PARP8: variants seen among roughly 807,000 people sequenced by gnomAD.
PARP8 encodes poly(ADP-ribose) polymerase family member 8.
Under a neutral mutation model 124.1 loss-of-function variants are expected in PARP8, and 51 were observed. That is an observed-to-expected ratio of 0.41 (90% CI 0.33 to 0.52). PARP8 has a LOEUF of 0.52. PARP8 is among the 20% of genes least tolerant of loss of function. The probability of loss-of-function intolerance (pLI) is 0.21; values close to 1 mark genes in which losing one functional copy is unlikely to be tolerated. For missense variants in PARP8, 860 were observed against 1,018.9 expected, an observed-to-expected ratio of 0.84 and a Z score of 2.12; for synonymous variants, 391 against 361.5, an observed-to-expected ratio of 1.08 and a Z score of -0.93.
chr5:50,771,541 C>A (rs1761629067), intron 7 of PARP8, among the ~76,000 whole-genome samples: 2 of 152,286 alleles, frequency 1.3e-5, no homozygotes, highest in Non-Finnish European at 2.9e-5. Flanking sequence ...TTATTTTGGT[C>A]ATAGATATCA....
rs773099937 is a variant in PARP8 at position 50,831,712 on chromosome 5, T to TATA, written c.2234-1068_2234-1066dup. ...TAATTTTCTGTTTTTTATACTGGTA[T>TATA]ATAGACTCCTTCAATGGGTACATGG... On this transcript the variant is annotated intron_variant, in intron 22 of 25. Coordinates refer to ENST00000281631, the MANE Select transcript of PARP8 (RefSeq NM_024615.4). 3.3e-5 allele frequency among the ~76,000 whole-genome samples: 5 copies of TATA among 152,310 alleles called. No individual in the cohort carries two copies. The East Asian group carries it at 9.6e-4, about 29-fold the overall frequency.
chr5:50,722,851 A>C (rs543365009), intron 2 of PARP8, among the ~76,000 whole-genome samples: 1 of 152,216 alleles, frequency 6.6e-6, no homozygotes, highest in African/African-American at 2.4e-5. Flanking sequence ...ATAGTCCAGC[A>C]TCAAGAAGAT....
chr5:50,681,380 C>G (rs1751274215), intron 2 of PARP8, among the ~76,000 whole-genome samples: 1 of 151,844 alleles, frequency 6.6e-6, no homozygotes. Flanking sequence ...CTGGAAGGTT[C>G]CTTGGGTCAC....
Position 50,801,299 on chromosome 5 carries a change from G to A in PARP8, c.1575+4066G>A, listed in dbSNP as rs1223712368. 4.6e-5 allele frequency among the ~76,000 whole-genome samples: 7 copies of A among 151,902 alleles called. No individual in the cohort carries two copies. In the South Asian group the frequency reaches 1.5e-3, roughly 32 times the overall value. On this transcript the variant is annotated intron_variant, in intron 14 of 25. Coordinates refer to ENST00000281631, the MANE Select transcript of PARP8 (RefSeq NM_024615.4). ...TTTTTATTAGAGACGGGGTTTCTTC[G>A]TGTTGGTCAGTCTGGTCTCAAACTC...
intron 9 of PARP8, among the ~76,000 whole-genome samples, chr5:50,787,330 A>G (rs1741372402): frequency 6.6e-6 from 1 of 151,940 alleles, no homozygotes; most frequent in East Asian, 1.9e-4. Flanking sequence ...ATCTCCTGAC[A>G]TGAGACCTTG....
intron 9 of PARP8, among the ~76,000 whole-genome samples, chr5:50,788,291 A>ATGTATTATGTATTATACAATATAG (rs1462037033): frequency 2.4e-4 from 36 of 147,272 alleles, no homozygotes; most frequent in African/African-American, 8.0e-4. Flanking sequence ...ATACAATATA[A>ATGTATTATGTATTATACAATATAG]TGTATAATGT....
chr5:50,829,583 C>T (rs13168120), intron 21 of PARP8, among the ~76,000 whole-genome samples: 20,635 of 152,086 alleles, frequency 0.14, 1,464 homozygotes, highest in East Asian at 0.19. Context: ...GTTACTGTGT[C>T]TTTCGGACCA....
intron 2 of PARP8, among the ~76,000 whole-genome samples, chr5:50,670,231 C>T (rs1749849933): frequency 6.6e-6 from 1 of 152,096 alleles, no homozygotes; most frequent in Non-Finnish European, 1.5e-5. Context: ...TTAATAGTAT[C>T]ATTTTAGGTG....
In PARP8 at chr5:50,822,915, C is replaced by T. The variant is rs1400159627; in HGVS notation, c.1860+515C>T. ...TGGAAATAGTTTGATGAGCAAGGAT[C>T]GGGGTTTGTTAGGAAAATCTAACAC... On this transcript the variant is annotated intron_variant, in intron 17 of 25. Coordinates refer to ENST00000281631, the MANE Select transcript of PARP8 (RefSeq NM_024615.4). 4.6e-5 allele frequency among the ~76,000 whole-genome samples: 7 copies of T among 152,112 alleles called. No homozygotes were observed. The South Asian group carries it at 6.2e-4, about 13-fold the overall frequency.
chr5:50,740,579 T>A (rs1001687792), intron 2 of PARP8, among the ~76,000 whole-genome samples: 1 of 151,892 alleles, frequency 6.6e-6, no homozygotes, highest in Non-Finnish European at 1.5e-5. Context: ...AATCCCAGCA[T>A]TTTAGGAGGT....
At chr5:50,727,268 C>T (rs1284976468) in intron 2 of PARP8, among the ~76,000 whole-genome samples, 4 of 152,186 alleles carry the variant, frequency 2.6e-5, no homozygotes, top group Admixed American at 6.5e-5. Context: ...CATTTAGACA[C>T]GTTGTGAGTC....
intron 2 of PARP8, among the ~76,000 whole-genome samples, chr5:50,729,414 T>G (rs1756754415): frequency 6.6e-6 from 1 of 152,110 alleles, no homozygotes; most frequent in Admixed American, 6.6e-5. Context: ...ATTAAACAAG[T>G]GTTGAAATGA....
chr5:50,783,049 G>A (rs1361015598), intron 9 of PARP8, among the ~76,000 whole-genome samples: 2 of 152,022 alleles, frequency 1.3e-5, no homozygotes, highest in African/African-American at 2.4e-5. Context: ...AGGAGTTAGG[G>A]CCACAGAAAT....
intron 15 of PARP8, 22 bp downstream of exon 15, chr5:50,815,546 T>G (rs1306671286): frequency 6.5e-7 from 1 of 1,530,914 alleles, no homozygotes; most frequent in South Asian, 1.2e-5. Context: ...GGATACTAAT[T>G]ATTTCTTATT....
intron 2 of PARP8, among the ~76,000 whole-genome samples, chr5:50,679,621 T>G (rs1380022287): frequency 1.3e-5 from 2 of 152,164 alleles, no homozygotes; most frequent in East Asian, 1.9e-4. Context: ...GTCTGACCCC[T>G]TTTTATTTCA....
chr5:50,690,999 C>T (rs1278636347), intron 2 of PARP8, among the ~76,000 whole-genome samples: 1 of 152,148 alleles, frequency 6.6e-6, no homozygotes, highest in Non-Finnish European at 1.5e-5. Context: ...GCAGCTCTTT[C>T]TACTTCTTGC....
At chr5:50,742,109 C>T (rs549781606) in intron 2 of PARP8, among the ~76,000 whole-genome samples, 116 of 152,234 alleles carry the variant, frequency 7.6e-4, no homozygotes, top group African/African-American at 2.6e-3. Flanking sequence ...CGCCCCTGGC[C>T]GCATTTTATT....
intron 25 of PARP8, among the ~76,000 whole-genome samples, chr5:50,841,123 C>T (rs1388743416): frequency 1.3e-5 from 2 of 151,684 alleles, no homozygotes; most frequent in East Asian, 1.9e-4. Flanking sequence ...TGCTTATATC[C>T]CTGGTTATCT....
chr5:50,667,999 G>C (rs896615906), intron 1 of PARP8, 72 bp from the exon 2 acceptor site: 18 of 1,609,152 alleles, frequency 1.1e-5, no homozygotes, highest in Non-Finnish European at 1.5e-5. Context: ...ACCGAATGTG[G>C]GGCTCAAGTC....
Sources: gnomAD v4.1 joint callset for allele counts (sites outside exome capture counted in the v4.1 genomes callset) on GRCh38, gnomAD v4.1.1 for gene constraint, MANE v1.5 for transcripts, NCBI Gene and HGNC (gene_info 2026-07-23, HGNC 2026-07-21) for gene names.